Variants in SGPP2 observed in about 807,000 individuals in gnomAD.
SGPP2 encodes sphingosine-1-phosphate phosphatase 2.
A neutral mutation model predicts 33.9 loss-of-function variants in SGPP2; 30 were observed. The observed-to-expected ratio is 0.89, with a 90% CI of 0.66 to 1.20. The LOEUF (loss-of-function observed/expected upper bound fraction) is 1.20. Ranked by LOEUF, SGPP2 falls within the 50% of genes most tolerant of loss-of-function variation. The probability of loss-of-function intolerance (pLI) is 0.00; values close to 1 mark genes in which losing one functional copy is unlikely to be tolerated. For synonymous variants in SGPP2, 233 were observed against 225.0 expected, an observed-to-expected ratio of 1.04 and a Z score of -0.32; for missense variants, 458 against 532.1, an observed-to-expected ratio of 0.86 and a Z score of 1.37.
chr2:222,495,063 A>C (rs1698256115), intron 2 of SGPP2, among the ~76,000 whole-genome samples: 1 of 151,824 alleles, frequency 6.6e-6, no homozygotes, highest in African/African-American at 2.4e-5. Context: ...CAAAAACAAA[A>C]GTTGCTGGTG....
intron 2 of SGPP2, among the ~76,000 whole-genome samples, chr2:222,511,984 A>G (rs1461454130): frequency 6.6e-6 from 1 of 150,692 alleles, no homozygotes; most frequent in Non-Finnish European, 1.5e-5. Flanking sequence ...GGCCCGCCAC[A>G]GTGGCTTTTT....
intron 1 of SGPP2, among the ~76,000 whole-genome samples, chr2:222,464,137 T>C (rs13021195): frequency 0.45 from 68,110 of 152,092 alleles, 17,337 homozygotes; most frequent in African/African-American, 0.7. Flanking sequence ...AAGGGCTTAA[T>C]AATTAAATGG....
intron 2 of SGPP2, among the ~76,000 whole-genome samples, chr2:222,488,929 G>A (rs1441568450): frequency 1.3e-5 from 2 of 152,152 alleles, no homozygotes; most frequent in African/African-American, 4.8e-5. Flanking sequence ...ATTTGAAAAT[G>A]CTTTTCAAAT....
intron 1 of SGPP2, among the ~76,000 whole-genome samples, chr2:222,436,454 C>T (rs971773929): frequency 7.2e-5 from 11 of 152,252 alleles, no homozygotes; most frequent in African/African-American, 2.6e-4. Context: ...GAACTTTGCC[C>T]CAGCCCTGTA....
At chr2:222,451,512 G>C (rs1697488355) in intron 1 of SGPP2, among the ~76,000 whole-genome samples, 1 of 152,226 alleles carries the variant, frequency 6.6e-6, no homozygotes, top group South Asian at 2.1e-4. Context: ...GGCTGACTGA[G>C]AAACTGCAGA....
chr2:222,453,050 T>G, intron 1 of SGPP2: 1 of 1,460,856 alleles, frequency 6.8e-7, no homozygotes, highest in Admixed American at 1.7e-5. Flanking sequence ...CTTCCTTCTT[T>G]TGTGGCGCTA....
At position 222,559,073 on chromosome 2, in the gene SGPP2, C is replaced by T. The variant is rs910660615; in HGVS notation, c.*175C>T. The T allele has an allele frequency of 8.2e-6, 5 of 612,350 alleles. No individual in the cohort carries two copies. Among genetic ancestry groups the T allele is most frequent in the Non-Finnish European group, 1.4e-5 (5 of 362,346 alleles). The allele number at this position is 612,350 out of a possible 1,614,324, so 37.9% of individuals were successfully genotyped here. On this transcript the variant is annotated 3_prime_UTR_variant, in exon 5 of 5. Transcript: ENST00000321276. Reference sequence around the variant, plus strand: ...TGTGAAAGGAAGAACTGTCTCATAGCGGTCATTGGTCGTCCGTGGTGGTTG... The same window carrying T: ...TGTGAAAGGAAGAACTGTCTCATAGTGGTCATTGGTCGTCCGTGGTGGTTG...
chr2:222,502,432 A>T (rs1698381381), intron 2 of SGPP2, among the ~76,000 whole-genome samples: 2 of 152,168 alleles, frequency 1.3e-5, no homozygotes. Context: ...TTTGGTTTTC[A>T]AATTTTTTTG....
At chr2:222,536,702 T>A (rs1000043457) in intron 4 of SGPP2, among the ~76,000 whole-genome samples, 1 of 151,954 alleles carries the variant, frequency 6.6e-6, no homozygotes, top group African/African-American at 2.4e-5. Context: ...AAAAATAAAA[T>A]AAAATAGAAT....
intron 2 of SGPP2, among the ~76,000 whole-genome samples, chr2:222,499,015 A>T (rs572191181): frequency 6.6e-6 from 1 of 152,352 alleles, no homozygotes; most frequent in Admixed American, 6.5e-5. Flanking sequence ...GCTAAATTTT[A>T]AAAAGTACAA....
intron 2 of SGPP2, among the ~76,000 whole-genome samples, chr2:222,518,962 G>A (rs918612416): frequency 1.2e-4 from 19 of 152,216 alleles, no homozygotes; most frequent in African/African-American, 4.6e-4. Flanking sequence ...GAAAGCACAA[G>A]AATGTGGGAA....
chr2:222,455,219 A>T (rs1697554660), intron 1 of SGPP2, among the ~76,000 whole-genome samples: 1 of 129,126 alleles, frequency 7.7e-6, no homozygotes, highest in Non-Finnish European at 1.7e-5. Flanking sequence ...AATCTCTTTA[A>T]AAAAAAAAAA....
chr2:222,458,479 T>C (rs1310532900), intron 1 of SGPP2, among the ~76,000 whole-genome samples: 2 of 152,150 alleles, frequency 1.3e-5, no homozygotes, highest in African/African-American at 4.8e-5. Context: ...AGAGCAAAAA[T>C]AAGTTACTGA....
At chr2:222,426,089 C>T (rs1250674456) in intron 1 of SGPP2, among the ~76,000 whole-genome samples, 1 of 150,958 alleles carries the variant, frequency 6.6e-6, no homozygotes, top group African/African-American at 2.4e-5. Flanking sequence ...CGTGGTGGTG[C>T]GGCCTGTAGT....
intron 1 of SGPP2, among the ~76,000 whole-genome samples, chr2:222,463,955 G>GT (rs571832959): frequency 1.6e-3 from 218 of 137,556 alleles, no homozygotes; most frequent in African/African-American, 5.9e-3. Context: ...ACCCTCCCAA[G>GT]TTCTGAATCC....
At chr2:222,459,136 TTCTTTC>T (rs1697618555) in intron 1 of SGPP2, among the ~76,000 whole-genome samples, 9 of 133,176 alleles carry the variant, frequency 6.8e-5, no homozygotes, top group African/African-American at 2.1e-4. Flanking sequence ...CTTTCTTTCT[TTCTTTC>T]TTTTTTTTTT....
chr2:222,506,051 G>GTAT (rs574519744), intron 2 of SGPP2, among the ~76,000 whole-genome samples: 146 of 152,058 alleles, frequency 9.6e-4, no homozygotes, highest in African/African-American at 3.4e-3. Context: ...TAAAGATGCA[G>GTAT]TATTAAATTA....
intron 1 of SGPP2, among the ~76,000 whole-genome samples, chr2:222,436,856 C>T (rs1697249684): frequency 6.6e-6 from 1 of 152,176 alleles, no homozygotes; most frequent in Non-Finnish European, 1.5e-5. Flanking sequence ...GGTGCCATAT[C>T]GAGGGCTCAG....
At position 222,427,230 on chromosome 2, in the gene SGPP2, A is replaced by G. The variant is rs547468051; in HGVS notation, c.219+2409A>G. Among the ~76,000 whole-genome samples the G allele has an allele frequency of 4.6e-5, 7 of 152,308 alleles. No individual in the cohort carries two copies. The South Asian group carries it at 8.3e-4, about 18-fold the overall frequency. On this transcript the variant is annotated intron_variant, in intron 1 of 4. Transcript: ENST00000321276. ...AGGGACTAGTGACTTTTGTGAATAC[A>G]TGCATGTAGATTGCAATATAAAATT...
Sources: allele counts gnomAD v4.1 joint callset (sites outside exome capture counted in the v4.1 genomes callset), GRCh38; gene constraint gnomAD v4.1.1; transcripts MANE v1.5; gene names NCBI Gene and HGNC (gene_info 2026-07-23, HGNC 2026-07-21).